Variants in CAMK2D observed in about 807,000 individuals in gnomAD.
CAMK2D encodes calcium/calmodulin-dependent protein kinase type II subunit delta.
In CAMK2D, 37 loss-of-function variants were observed where a neutral mutation model predicts 84.0. The ratio of observed to expected loss-of-function variants is 0.44; its 90% confidence interval spans 0.34 to 0.58. The LOEUF is 0.58. CAMK2D is among the 20% of genes least tolerant of loss of function. The pLI, the probability that CAMK2D is intolerant of heterozygous loss-of-function variation, is 0.02. For synonymous variants in CAMK2D, 202 were observed against 212.5 expected (o/e 0.95, Z 0.43); for missense variants, 448 against 652.5 (o/e 0.69, Z 3.41).
intron 2 of CAMK2D, among the ~76,000 whole-genome samples, chr4:113,687,363 C>T (rs1430623094): frequency 6.6e-6 from 1 of 152,182 alleles, no homozygotes; most frequent in Non-Finnish European, 1.5e-5. Context: ...TCTTACATGT[C>T]ATTTTCTGTG....
At position 113,513,127 on chromosome 4, in the gene CAMK2D, C is replaced by G. The variant is rs138833191; in HGVS notation, c.946+201G>C. Reference sequence around the variant, plus strand: ...AGCAGTCTTGTGAGGGGTTCAGTCACGGAGGCTCGGCAGCAGACAGCACCC... The same window carrying G: ...AGCAGTCTTGTGAGGGGTTCAGTCAGGGAGGCTCGGCAGCAGACAGCACCC... On this transcript the variant is annotated intron_variant, in intron 12 of 20. Coordinates refer to ENST00000511664, the MANE Select transcript of CAMK2D (RefSeq NM_001321571.2). 7.8e-3 allele frequency: 7,618 copies of G among 979,050 alleles called. 45 individuals are homozygous for G. The highest frequency in any genetic ancestry group is 8.7e-3 in the Non-Finnish European group (7,142 of 824,180). 60.6% of individuals were successfully genotyped at this position (979,050 alleles called of 1,614,324 possible).
intron 2 of CAMK2D, among the ~76,000 whole-genome samples, chr4:113,749,710 C>T (rs1000865988): frequency 6.6e-6 from 1 of 152,030 alleles, no homozygotes; most frequent in East Asian, 1.9e-4. Flanking sequence ...CATTAATGAG[C>T]CACTTTATAA....
At chr4:113,561,544 T>C (rs191820064) in intron 4 of CAMK2D, among the ~76,000 whole-genome samples, 206 of 152,260 alleles carry the variant, frequency 1.4e-3, no homozygotes, top group Non-Finnish European at 2.5e-3. Context: ...TTTGGTATAC[T>C]CTAGTGACTG....
intron 2 of CAMK2D, among the ~76,000 whole-genome samples, chr4:113,733,483 T>C (rs2099573855): frequency 6.6e-6 from 1 of 152,192 alleles, no homozygotes; most frequent in Admixed American, 6.5e-5. Flanking sequence ...CTGGGTTTTT[T>C]CTCTACTTCT....
intron 2 of CAMK2D, among the ~76,000 whole-genome samples, chr4:113,675,088 T>G (rs2099312885): frequency 6.6e-6 from 1 of 152,170 alleles, no homozygotes; most frequent in Non-Finnish European, 1.5e-5. Context: ...AAAAAGAAAC[T>G]CTTCTTTTCA....
intron 2 of CAMK2D, among the ~76,000 whole-genome samples, chr4:113,714,895 C>G (rs754410742): frequency 9.2e-5 from 14 of 152,040 alleles, no homozygotes; most frequent in Non-Finnish European, 1.9e-4. Context: ...TTTTACCTTC[C>G]CTACATTATC....
chr4:113,725,255 A>G (rs1464869912), intron 2 of CAMK2D, among the ~76,000 whole-genome samples: 1 of 152,062 alleles, frequency 6.6e-6, no homozygotes, highest in Non-Finnish European at 1.5e-5. Flanking sequence ...CAATTAAGCT[A>G]AAAAAGATGA....
intron 3 of CAMK2D, among the ~76,000 whole-genome samples, chr4:113,620,554 C>A (rs917073351): frequency 6.6e-6 from 1 of 150,696 alleles, no homozygotes; most frequent in South Asian, 2.1e-4. Flanking sequence ...TGTCACCAGG[C>A]TGGAGTGCCC....
intron 4 of CAMK2D, among the ~76,000 whole-genome samples, chr4:113,570,737 G>A (rs867468943): frequency 1.3e-5 from 2 of 152,118 alleles, no homozygotes; most frequent in African/African-American, 4.8e-5. Context: ...ACATAGGTCT[G>A]AGCAATGAAT....
chr4:113,716,095 T>C (rs2099512512), intron 2 of CAMK2D, among the ~76,000 whole-genome samples: 1 of 152,182 alleles, frequency 6.6e-6, no homozygotes, highest in Non-Finnish European at 1.5e-5. Flanking sequence ...CTCACAGTAG[T>C]ACAAAAATAT....
intron 16 of CAMK2D, among the ~76,000 whole-genome samples, chr4:113,469,953 T>C (rs967339996): frequency 6.6e-6 from 1 of 152,234 alleles, no homozygotes; most frequent in South Asian, 2.1e-4. Context: ...TCTGATTTAG[T>C]GTTTCTGCAA....
At chr4:113,549,711 C>T (rs2098609688) in intron 5 of CAMK2D, among the ~76,000 whole-genome samples, 1 of 152,030 alleles carries the variant, frequency 6.6e-6, no homozygotes, top group Admixed American at 6.6e-5. Context: ...AAAGATGAAG[C>T]AAACATTTTA....
At chr4:113,655,376 T>C (rs935372437) in intron 3 of CAMK2D, among the ~76,000 whole-genome samples, 2 of 152,028 alleles carry the variant, frequency 1.3e-5, no homozygotes, top group East Asian at 1.9e-4. Context: ...GAGGTAATCA[T>C]TGAGCTATGA....
chr4:113,648,402 C>T (rs369033075), intron 3 of CAMK2D, among the ~76,000 whole-genome samples: 3 of 152,136 alleles, frequency 2.0e-5, no homozygotes, highest in Non-Finnish European at 2.9e-5. Flanking sequence ...CTGTTGGGCA[C>T]GTTCATATGC....
At chr4:113,753,674 T>A (rs2099622185) in intron 2 of CAMK2D, 1 of 433,400 alleles carries the variant, frequency 2.3e-6, no homozygotes, top group Non-Finnish European at 3.1e-6. Flanking sequence ...AATAACTGTA[T>A]ACTGATAATT....
intron 16 of CAMK2D, among the ~76,000 whole-genome samples, chr4:113,475,376 G>T (rs995316264): frequency 6.6e-6 from 1 of 152,128 alleles, no homozygotes; most frequent in Non-Finnish European, 1.5e-5. Context: ...AGTATCAACT[G>T]AACTGTTATG....
At chr4:113,546,384 C>T (rs1014138604) in intron 6 of CAMK2D, among the ~76,000 whole-genome samples, 38 of 152,320 alleles carry the variant, frequency 2.5e-4, no homozygotes, top group African/African-American at 8.9e-4. Flanking sequence ...AGCAGATATA[C>T]AGTCCGATCT....
chr4:113,573,326 G>A (rs532812663), intron 4 of CAMK2D, among the ~76,000 whole-genome samples: 104 of 152,298 alleles, frequency 6.8e-4, no homozygotes, highest in African/African-American at 2.4e-3. Context: ...GTTGTTTGAG[G>A]TAATCTTTTA....
chr4:113,747,505 A>C (rs2099607316), intron 2 of CAMK2D, among the ~76,000 whole-genome samples: 1 of 152,108 alleles, frequency 6.6e-6, no homozygotes, highest in South Asian at 2.1e-4. Context: ...TAATAATGTC[A>C]GTACCATTTT....
Sources: gnomAD v4.1 joint callset for allele counts (sites outside exome capture counted in the v4.1 genomes callset) on GRCh38, gnomAD v4.1.1 for gene constraint, MANE v1.5 for transcripts, NCBI Gene and HGNC (gene_info 2026-07-23, HGNC 2026-07-21) for gene names.